ADGRL2: variants seen among roughly 807,000 people sequenced by gnomAD.
ADGRL2 encodes the protein adhesion G protein-coupled receptor L2, also known as calcium-independent alpha-latrotoxin receptor 2.
A neutral mutation model predicts 157.4 loss-of-function variants in ADGRL2; 44 were observed. The observed-to-expected ratio is 0.28, with a 90% CI of 0.22 to 0.36. The LOEUF is 0.36. Among genes scored for constraint, ADGRL2 ranks in the 10% least tolerant of loss-of-function variants. The pLI is 1.00. For missense variants in ADGRL2, 1,510 were observed against 1,768.9 expected, an observed-to-expected ratio of 0.85 and a Z score of 2.63; for synonymous variants, 585 against 624.7, an observed-to-expected ratio of 0.94 and a Z score of 0.95.
intron 2 of ADGRL2, among the ~76,000 whole-genome samples, chr1:81,461,491 CTAACTTTTACATAGTGT>C (rs2077927534): frequency 6.6e-6 from 1 of 152,262 alleles, no homozygotes; most frequent in South Asian, 2.1e-4. Context: ...TTCAATGATT[CTAACTTTTACATAGTGT>C]TAACTGTCCA....
At chr1:81,354,636 C>T (rs1219577558) in intron 1 of ADGRL2, among the ~76,000 whole-genome samples, 2 of 152,176 alleles carry the variant, frequency 1.3e-5, no homozygotes, top group South Asian at 2.1e-4. Flanking sequence ...CATCCAAAGA[C>T]AGGCCTCGTT....
chr1:81,744,822 T>C (rs911544451), intron 1 of ADGRL2, among the ~76,000 whole-genome samples: 20 of 152,196 alleles, frequency 1.3e-4, no homozygotes, highest in Admixed American at 5.2e-4. Flanking sequence ...CTAAATTGCC[T>C]CTATTTCCAG....
chr1:81,812,869 T>C (rs980926475), intron 1 of ADGRL2, among the ~76,000 whole-genome samples: 6 of 151,768 alleles, frequency 4.0e-5, no homozygotes, highest in African/African-American at 1.4e-4. Flanking sequence ...TTTAGAAAAC[T>C]GCTGACTAAC....
chr1:81,827,249 T>C (rs935916059), intron 1 of ADGRL2, among the ~76,000 whole-genome samples: 1 of 152,188 alleles, frequency 6.6e-6, no homozygotes, highest in African/African-American at 2.4e-5. Flanking sequence ...TTGTTGAATG[T>C]AATGTGGATC....
chr1:81,748,549 A>G (rs1176911530), intron 1 of ADGRL2, among the ~76,000 whole-genome samples: 1 of 151,432 alleles, frequency 6.6e-6, no homozygotes, highest in Non-Finnish European at 1.5e-5. Context: ...AATTTAAATT[A>G]TTTAAATAGA....
At position 81,939,939 on chromosome 1, in the gene ADGRL2, T is replaced by C. The variant is rs1461753341; in HGVS notation, c.398-2095T>C. On this transcript the variant is annotated intron_variant, in intron 4 of 23. Coordinates refer to ENST00000686636, the MANE Select transcript of ADGRL2 (RefSeq NM_001366006.2). Reference sequence around the variant, plus strand: ...TTATAATATTTTAAATCTTTACTTTTGAGTGTTACTTACTTTTCAACAGAA... The same window carrying C: ...TTATAATATTTTAAATCTTTACTTTCGAGTGTTACTTACTTTTCAACAGAA... Among the ~76,000 whole-genome samples, 3 of 151,250 alleles carry C rather than the reference T, an allele frequency of 2.0e-5. No homozygotes were observed. In the Admixed American group the frequency reaches 2.0e-4, roughly 10 times the overall value.
chr1:81,521,557 TA>T (rs2079315727), intron 2 of ADGRL2, among the ~76,000 whole-genome samples: 1 of 152,222 alleles, frequency 6.6e-6, no homozygotes, highest in Admixed American at 6.5e-5. Context: ...TAAAATCATA[TA>T]AACTACTTAG....
intron 1 of ADGRL2, chr1:81,414,151 C>T (rs538620434): frequency 1.3e-4 from 18 of 142,118 alleles, no homozygotes; most frequent in African/African-American, 3.7e-4. Context: ...GGTAAACACA[C>T]TTCACCTTTC....
chr1:81,637,912 C>CT (rs5775626), intron 3 of ADGRL2, among the ~76,000 whole-genome samples: 3,715 of 143,276 alleles, frequency 0.026, 80 homozygotes, highest in African/African-American at 0.069. Context: ...AAAAGGTATG[C>CT]TTTTTTTTTT....
rs535510606 is a variant in ADGRL2, at chr1:81,477,896, C to T, written c.-248+32807C>T. Among the ~76,000 whole-genome samples the T allele has an allele frequency of 8.5e-5, 13 of 152,204 alleles. No homozygotes were observed. In the South Asian group the frequency reaches 1.0e-3, roughly 12 times the overall value. ...AACATTTTTGAATGATCCATCACTA[C>T]GATGTCATTCTGGCTGCAGCGTCAT... On this transcript the variant is annotated intron_variant, in intron 2 of 24. Coordinates refer to the ADGRL2 transcript ENST00000370721.
At chr1:81,314,176 A>G (rs1216864789) in intron 1 of ADGRL2, among the ~76,000 whole-genome samples, 1 of 152,234 alleles carries the variant, frequency 6.6e-6, no homozygotes, top group Non-Finnish European at 1.5e-5. Context: ...TCTGACAGTG[A>G]AATGCACTCA....
chr1:81,565,558 A>G (rs939094332), intron 2 of ADGRL2, among the ~76,000 whole-genome samples: 1 of 152,202 alleles, frequency 6.6e-6, no homozygotes, highest in Admixed American at 6.5e-5. Flanking sequence ...TTTTGAGGCA[A>G]TGCGCAAGCT....
At chr1:81,405,641 A>T (rs2076840231) in intron 1 of ADGRL2, among the ~76,000 whole-genome samples, 1 of 151,636 alleles carries the variant, frequency 6.6e-6, no homozygotes, top group Non-Finnish European at 1.5e-5. Flanking sequence ...CAAAAAAAAA[A>T]AAAAGGAAAT....
At chr1:81,663,649 A>G (rs1384508902) in intron 3 of ADGRL2, among the ~76,000 whole-genome samples, 1 of 152,046 alleles carries the variant, frequency 6.6e-6, no homozygotes, top group African/African-American at 2.4e-5. Context: ...TAATTTGGTC[A>G]TTTTGTTAGG....
intron 17 of ADGRL2, among the ~76,000 whole-genome samples, chr1:81,975,778 A>G (rs1660045846): frequency 6.6e-6 from 1 of 152,012 alleles, no homozygotes; most frequent in Non-Finnish European, 1.5e-5. Flanking sequence ...TTTTTGTCTT[A>G]AAATGACTAC....
intron 2 of ADGRL2, among the ~76,000 whole-genome samples, chr1:81,504,474 ATG>A (rs1162734240): frequency 1.3e-5 from 2 of 151,752 alleles, no homozygotes; most frequent in East Asian, 3.9e-4. Flanking sequence ...TCTTTTTTAT[ATG>A]TGTTTTGCTG....
At chr1:81,557,021 CA>C (rs150664851) in intron 2 of ADGRL2, 1,567 of 146,516 alleles carry the variant, frequency 0.011, no homozygotes, top group Middle Eastern at 0.038. Flanking sequence ...GACTCCGTCT[CA>C]AAAAAAAAAA....
chr1:81,442,197 T>C (rs2077520134), intron 1 of ADGRL2, among the ~76,000 whole-genome samples: 4 of 152,198 alleles, frequency 2.6e-5, no homozygotes, highest in Admixed American at 1.3e-4. Context: ...TTTTCAAATA[T>C]AAAGTCCTTT....
intron 2 of ADGRL2, among the ~76,000 whole-genome samples, chr1:81,791,135 A>T (rs1210952575): frequency 3.4e-4 from 52 of 150,744 alleles, no homozygotes; most frequent in Non-Finnish European, 4.4e-5. Context: ...AGGAAGTTCT[A>T]AGTTCTAGAA....
Sources: allele counts gnomAD v4.1 joint callset (sites outside exome capture counted in the v4.1 genomes callset), GRCh38; gene constraint gnomAD v4.1.1; transcripts MANE v1.5; gene names NCBI Gene and HGNC (gene_info 2026-07-23, HGNC 2026-07-21).